Variants in SETBP1 observed in about 807,000 individuals in gnomAD.
SETBP1 encodes the protein SET-binding protein.
SETBP1 carries 9 observed loss-of-function variants against 101.0 expected under a neutral mutation model. The ratio of observed to expected loss-of-function variants is 0.09; its 90% CI spans 0.05 to 0.16. SETBP1 has a LOEUF of 0.16. SETBP1 is among the 10% of genes least tolerant of loss of function. The pLI is 1.00. For missense variants in SETBP1, 1,858 were observed against 2,033.8 expected, an observed-to-expected ratio of 0.91 and a Z score of 1.66; for synonymous variants, 818 against 788.5, an observed-to-expected ratio of 1.04 and a Z score of -0.63.
At chr18:44,862,868 A>T (rs1477476957) in intron 2 of SETBP1, among the ~76,000 whole-genome samples, 2 of 152,160 alleles carry the variant, frequency 1.3e-5, no homozygotes, top group African/African-American at 4.8e-5. Flanking sequence ...CTGGCAGGGT[A>T]GGGCCAAAGG....
intron 3 of SETBP1, among the ~76,000 whole-genome samples, chr18:44,877,588 T>A (rs2069437453): frequency 6.6e-6 from 1 of 152,214 alleles, no homozygotes; most frequent in Non-Finnish European, 1.5e-5. Context: ...CCCATTTAAT[T>A]ATTACCAGAC....
intron 4 of SETBP1, among the ~76,000 whole-genome samples, chr18:45,010,068 C>T (rs1310491394): frequency 6.6e-6 from 1 of 152,194 alleles, no homozygotes; most frequent in Non-Finnish European, 1.5e-5. Flanking sequence ...GTTATAAAAG[C>T]ATCTCTGCCT....
At chr18:44,860,487 C>T (rs959210522) in intron 2 of SETBP1, among the ~76,000 whole-genome samples, 1 of 152,158 alleles carries the variant, frequency 6.6e-6, no homozygotes, top group African/African-American at 2.4e-5. Context: ...TGGCTCATGT[C>T]TGTAATCCCA....
intron 3 of SETBP1, among the ~76,000 whole-genome samples, chr18:44,910,797 C>T (rs1209128714): frequency 6.6e-6 from 1 of 152,158 alleles, no homozygotes; most frequent in Non-Finnish European, 1.5e-5. Context: ...CTACTTTTAG[C>T]TCTCCTCTAG....
intron 4 of SETBP1, among the ~76,000 whole-genome samples, chr18:45,031,731 G>T (rs577877826): frequency 3.3e-5 from 5 of 152,214 alleles, no homozygotes; most frequent in Non-Finnish European, 7.4e-5. Flanking sequence ...GTGAGACATG[G>T]TTTGTAACCC....
At chr18:44,694,783 CT>C (rs199882918) in intron 1 of SETBP1, among the ~76,000 whole-genome samples, 3,124 of 152,250 alleles carry the variant, frequency 0.021, 93 homozygotes, top group African/African-American at 0.071. Flanking sequence ...AACACAAGCC[CT>C]CCTGAGGTGG....
At chr18:44,842,610 TG>T (rs2072639636) in intron 2 of SETBP1, among the ~76,000 whole-genome samples, 1 of 152,162 alleles carries the variant, frequency 6.6e-6, no homozygotes, top group Non-Finnish European at 1.5e-5. Flanking sequence ...TGGTTTTGGT[TG>T]GGAGTCCTGC....
chr18:44,965,313 A>ACACT (rs1555636740), intron 4 of SETBP1, among the ~76,000 whole-genome samples: 1 of 151,714 alleles, frequency 6.6e-6, no homozygotes, highest in Non-Finnish European at 1.5e-5. Context: ...ACACACACAC[A>ACACT]GATCACTCAG....
chr18:44,978,841 G>C (rs2072049138), intron 4 of SETBP1, among the ~76,000 whole-genome samples: 1 of 152,114 alleles, frequency 6.6e-6, no homozygotes, highest in Admixed American at 6.5e-5. Context: ...AGGACGTGAT[G>C]CCATTTTACA....
At chr18:44,717,916 G>A (rs1216626082) in intron 2 of SETBP1, among the ~76,000 whole-genome samples, 2 of 150,638 alleles carry the variant, frequency 1.3e-5, no homozygotes, top group African/African-American at 2.4e-5. Context: ...ATATGCATCT[G>A]TGTGTGTGTG....
intron 1 of SETBP1, among the ~76,000 whole-genome samples, chr18:44,699,397 G>A (rs2069076368): frequency 6.6e-6 from 1 of 152,194 alleles, no homozygotes; most frequent in Non-Finnish European, 1.5e-5. Context: ...ACACTAGTAA[G>A]AGAGGCCTCC....
chr18:44,709,519 C>T (rs911186698), intron 2 of SETBP1, among the ~76,000 whole-genome samples: 3 of 152,216 alleles, frequency 2.0e-5, no homozygotes, highest in Admixed American at 6.5e-5. Flanking sequence ...TCAGGGATAA[C>T]AGCAGCCCCT....
intron 2 of SETBP1, among the ~76,000 whole-genome samples, chr18:44,837,702 C>T (rs1046908431): frequency 2.0e-5 from 3 of 152,202 alleles, no homozygotes; most frequent in Non-Finnish European, 4.4e-5. Flanking sequence ...CTAGGATGAG[C>T]ATGACAGCTG....
chr18:45,039,119 C>A (rs146446700), intron 5 of SETBP1, among the ~76,000 whole-genome samples: 1 of 152,170 alleles, frequency 6.6e-6, no homozygotes, highest in Non-Finnish European at 1.5e-5. Context: ...TCAACCAGTG[C>A]GTTTCACTGC....
At chr18:44,808,038 G>C (rs1007555243) in intron 2 of SETBP1, among the ~76,000 whole-genome samples, 1 of 152,146 alleles carries the variant, frequency 6.6e-6, no homozygotes, top group Admixed American at 6.5e-5. Context: ...TGACAGAATG[G>C]AAACTAGATT....
intron 4 of SETBP1, among the ~76,000 whole-genome samples, chr18:45,020,293 A>AAAAAG (rs1568032212): frequency 1.5e-5 from 2 of 133,908 alleles, no homozygotes; most frequent in African/African-American, 5.9e-5. Flanking sequence ...AAAAAAAAAA[A>AAAAAG]AAGTGGCTTC....
chr18:44,885,379 C>A (rs530205218), intron 3 of SETBP1, among the ~76,000 whole-genome samples: 5 of 152,102 alleles, frequency 3.3e-5, no homozygotes, highest in Non-Finnish European at 7.4e-5. Context: ...GCACATGAAT[C>A]CCAAGAAAGG....
intron 2 of SETBP1, among the ~76,000 whole-genome samples, chr18:44,702,229 G>C (rs1201687081): frequency 6.6e-6 from 1 of 152,142 alleles, no homozygotes. Flanking sequence ...CTTCATGGTG[G>C]GTAGGCTGAG....
chr18:44,828,255 G>A (rs2072278744), intron 2 of SETBP1, among the ~76,000 whole-genome samples: 1 of 152,154 alleles, frequency 6.6e-6, no homozygotes, highest in African/African-American at 2.4e-5. Context: ...CAGTTAGGAA[G>A]TTCCGTTATG....
Sources: gnomAD v4.1 joint callset for allele counts (sites outside exome capture counted in the v4.1 genomes callset) on GRCh38, gnomAD v4.1.1 for gene constraint, MANE v1.5 for transcripts, NCBI Gene and HGNC (gene_info 2026-07-23, HGNC 2026-07-21) for gene names.